The following PKD1L3 variants were observed in gnomAD, a reference collection of about 807,000 sequenced individuals.
PKD1L3 encodes polycystin 1 like 3, transient receptor potential channel interacting.
A neutral mutation model predicts 184.1 loss-of-function variants in PKD1L3; 239 were observed. The ratio of observed to expected loss-of-function variants is 1.30; its 90% CI spans 1.17 to 1.45. The LOEUF is 1.45. Ranked by LOEUF, PKD1L3 falls within the 40% of genes most tolerant of loss-of-function variation. PKD1L3 has a pLI of 0.00. For synonymous variants in PKD1L3, 996 were observed against 778.8 expected (o/e 1.28, Z -4.64); for missense variants, 2,660 against 2,067.2 (o/e 1.29, Z -5.56).
chr16:71,951,731 GTTTCC>G lies in PKD1L3; in HGVS notation c.3018_3022del (p.Lys1006AsnfsTer17). 6.5e-7 allele frequency: 1 copy of G among 1,549,632 alleles called. No homozygotes were observed. The highest frequency in any genetic ancestry group is 8.7e-7 in the Non-Finnish European group (1 of 1,146,414). ...ATTTCTCCTGAGCAGGAATCTCACA[GTTTCC>G]TTTAATTCCTGAATGTAGGACCAGA... On this transcript the variant is annotated frameshift_variant, in exon 19 of 30. Transcript: ENST00000620267. LOFTEE classifies it high-confidence loss of function.
At chr16:71,952,565 T>G (rs1597309811) in intron 18 of PKD1L3, among the ~76,000 whole-genome samples, 1 of 38,614 alleles carries the variant, frequency 2.6e-5, no homozygotes, top group African/African-American at 7.0e-5. Flanking sequence ...CTGGGCACGG[T>G]GGCTTACGCC....
chr16:71,943,889 C>T (rs913801874), intron 23 of PKD1L3, 141 bp downstream of exon 23: 2 of 1,051,506 alleles, frequency 1.9e-6, no homozygotes, highest in South Asian at 1.7e-5. Context: ...ACCTGCTTTA[C>T]TGGAATCCCA....
At position 71,977,334 on chromosome 16, in the gene PKD1L3, G is replaced by A. The variant is rs1191066593; in HGVS notation, c.1661C>T (p.Pro554Leu). The part of the protein sequence containing the change: ...SLIVSIDPDS[P>L]LLMTLYLGFQ... ...CCCCAGGTAGAGTGTCATTAAAAGG[G>A]GACTGTCAGGATCTATGCTCACTAT... Residue 554 changes from proline (P) to leucine (L), a missense_variant, in exon 11 of 30, where the codon CCC becomes CTC. Physicochemically the swap from Pro to Leu is moderately conservative, Grantham distance 98. Transcript: ENST00000620267. 34 of 1,546,798 alleles carry A rather than the reference G, an allele frequency of 2.2e-5. No homozygotes were observed. Among genetic ancestry groups the A allele is most frequent in the Non-Finnish European group, 2.8e-5 (32 of 1,142,688 alleles).
At chr16:71,934,266 G>T in intron 26 of PKD1L3, 141 bp from the exon 27 acceptor site, 1 of 723,616 alleles carries the variant, frequency 1.4e-6, no homozygotes, top group Non-Finnish European at 2.3e-6. Flanking sequence ...GCTTTCTATT[G>T]TGGCCTCCTG....
chr16:71,981,267 T>C (rs1284254482), intron 7 of PKD1L3, among the ~76,000 whole-genome samples: 8 of 152,228 alleles, frequency 5.3e-5, no homozygotes, highest in Admixed American at 1.3e-4. Context: ...CTAGGTTACA[T>C]GGCGATTCTA....
intron 24 of PKD1L3, 43 bp downstream of exon 24, chr16:71,942,517 T>C: frequency 6.8e-7 from 1 of 1,481,068 alleles, no homozygotes; most frequent in Non-Finnish European, 9.2e-7. Context: ...TGAACAGCCT[T>C]CTTTGCTACG....
At chr16:71,961,214 C>T (rs1309475929) in intron 16 of PKD1L3, among the ~76,000 whole-genome samples, 2 of 152,108 alleles carry the variant, frequency 1.3e-5, no homozygotes, top group Non-Finnish European at 2.9e-5. Flanking sequence ...GCAGCCTTGA[C>T]CTCCCGGGTT....
intron 2 of PKD1L3, among the ~76,000 whole-genome samples, chr16:71,994,642 C>T (rs1181980640): frequency 6.6e-6 from 1 of 152,098 alleles, no homozygotes; most frequent in African/African-American, 2.4e-5. Flanking sequence ...AAAAATTGTC[C>T]AAACTTATCA....
At chr16:71,979,620 G>C (rs1314656225) in intron 9 of PKD1L3, among the ~76,000 whole-genome samples, 166 bp downstream of exon 9, 1 of 152,184 alleles carries the variant, frequency 6.6e-6, no homozygotes, top group Admixed American at 6.5e-5. Context: ...TCATTTTTAA[G>C]AGGCCTCTAT....
intron 22 of PKD1L3, among the ~76,000 whole-genome samples, chr16:71,944,512 G>T (rs1424914036): frequency 6.6e-6 from 1 of 151,860 alleles, no homozygotes; most frequent in Non-Finnish European, 1.5e-5. Context: ...GTGAGACGTT[G>T]TCTCTACAAA....
At chr16:71,932,851 CT>C (rs1213681210) in intron 28 of PKD1L3, among the ~76,000 whole-genome samples, 1 of 132,386 alleles carries the variant, frequency 7.6e-6, no homozygotes, top group African/African-American at 2.9e-5. Context: ...ATGATCATGG[CT>C]TATTGCAGCT....
At chr16:71,933,157 C>T (rs1567485139) in intron 28 of PKD1L3, among the ~76,000 whole-genome samples, 1 of 152,048 alleles carries the variant, frequency 6.6e-6, no homozygotes, top group East Asian at 1.9e-4. Flanking sequence ...AGCTTCGGCT[C>T]AGTGTCCTTT....
At chr16:71,989,038 A>G (rs1279709740) in intron 4 of PKD1L3, among the ~76,000 whole-genome samples, 2 of 152,190 alleles carry the variant, frequency 1.3e-5, no homozygotes, top group Non-Finnish European at 2.9e-5. Flanking sequence ...CCATTTTTCA[A>G]ATGCCTTTAA....
At position 71,978,318 on chromosome 16, in the gene PKD1L3, T is replaced by C. The variant is rs1405472308; in HGVS notation, c.1464A>G (p.Gly488=). 2 of 1,550,820 alleles carry C rather than the reference T, an allele frequency of 1.3e-6. No individual in the cohort carries two copies. The highest frequency in any genetic ancestry group is 3.9e-5 in the Admixed American group (2 of 50,936). Reference sequence around the variant, plus strand: ...TACGATTAGCGCTTAGTAACACACTTCCAATGCTTCCAACAATGTTTCTGT... The same window carrying C: ...TACGATTAGCGCTTAGTAACACACTCCCAATGCTTCCAACAATGTTTCTGT... ...LDNRNIVGSI[G]SVLLSANRKL... Residue 488 remains glycine (G), a synonymous_variant, in exon 10 of 30, where the codon GGA becomes GGG. Coordinates refer to ENST00000620267, the MANE Select transcript of PKD1L3 (RefSeq NM_181536.2).
chr16:71,989,925 A>G (rs1006330252), intron 4 of PKD1L3, among the ~76,000 whole-genome samples: 1 of 151,986 alleles, frequency 6.6e-6, no homozygotes, highest in Admixed American at 6.6e-5. Flanking sequence ...AAATACAAAA[A>G]TTAGCTGGGT....
chr16:71,935,438 G>C lies in PKD1L3; in HGVS notation c.4533C>G (p.Ser1511Arg). The C allele has an allele frequency of 6.4e-7, 1 of 1,552,050 alleles. No homozygotes were observed. The highest frequency in any genetic ancestry group is 8.7e-7 in the Non-Finnish European group (1 of 1,147,002). The stretch of plus-strand genomic sequence containing the variant: ...TCATGTCAAGCCCCAGGAGGATGAA[G>C]CTAATGAGGATTATACTTGTGTCCA... ...NILDTSIILISFILLGLDMKS... is the reference protein window; with the variant it reads ...NILDTSIILIRFILLGLDMKS... The change falls in exon 26 of 30, where the codon AGC becomes AGG. Residue 1511 changes from serine (S) to arginine (R), a missense_variant. Coordinates refer to ENST00000620267, the MANE Select transcript of PKD1L3 (RefSeq NM_181536.2).
At chr16:71,988,994 C>T (rs936181705) in intron 4 of PKD1L3, among the ~76,000 whole-genome samples, 5 of 152,140 alleles carry the variant, frequency 3.3e-5, no homozygotes, top group African/African-American at 4.8e-5. Context: ...TTTTAAGAAA[C>T]GGTACCAAGG....
At chr16:71,959,024 T>C (rs1216747177) in intron 16 of PKD1L3, among the ~76,000 whole-genome samples, 3 of 136,632 alleles carry the variant, frequency 2.2e-5, no homozygotes, top group Non-Finnish European at 4.5e-5. Context: ...GCAGAGGTTA[T>C]AGTAAGCTGA....
In PKD1L3 at chr16:71,999,850, G is replaced by A. The variant is rs1426561320; in HGVS notation, c.129C>T (p.Ser43=). The change falls in exon 1 of 30, where the codon AGC becomes AGT. Residue 43 remains serine, a synonymous_variant. Coordinates refer to ENST00000620267, the MANE Select transcript of PKD1L3 (RefSeq NM_181536.2). ...GACAGTAATGCTGTGCTTCCTCAAA[G>A]CTGCATTGAAATCTGTTAAGCTGGT... ...NCYQLNRFQC[S]FEEAQHYCHV... 3.2e-6 allele frequency: 5 copies of A among 1,551,608 alleles called. No individual in the cohort carries two copies. Among genetic ancestry groups the A allele is most frequent in the African/African-American group, 2.7e-5 (2 of 73,028 alleles).
Sources: gnomAD v4.1 joint callset for allele counts (sites outside exome capture counted in the v4.1 genomes callset) on GRCh38, gnomAD v4.1.1 for gene constraint, MANE v1.5 for transcripts, NCBI Gene and HGNC (gene_info 2026-07-23, HGNC 2026-07-21) for gene names.